RANBP3: variants seen among roughly 807,000 people sequenced by gnomAD.
RANBP3 encodes RAN binding protein 3.
In RANBP3, 14 loss-of-function variants were observed where a neutral mutation model predicts 77.3. The ratio of observed to expected loss-of-function variants is 0.18; its 90% CI spans 0.12 to 0.28. The LOEUF is 0.28. Ranked by LOEUF, RANBP3 falls within the 10% of genes least tolerant of loss-of-function variation. RANBP3 has a pLI of 1.00. For missense variants in RANBP3, 586 were observed against 752.3 expected (o/e 0.78, Z 2.59); for synonymous variants, 315 against 312.4 (o/e 1.01, Z -0.09).
chr19:5,977,497 G>A (rs1231223229), intron 1 of RANBP3, among the ~76,000 whole-genome samples: 1 of 152,246 alleles, frequency 6.6e-6, no homozygotes, highest in Admixed American at 6.5e-5. Context: ...GATCCGGGGG[G>A]AACTGGCGGG....
chr19:5,917,890 T>C lies in RANBP3; in HGVS notation c.1564A>G (p.Lys522Glu). Residue 522 changes from lysine (K) to glutamate (E), a missense_variant, in exon 16 of 17, where the codon AAG becomes GAG. By Grantham distance (56) the Lys-to-Glu change is moderately conservative (BLOSUM62 1). Transcript: ENST00000340578. ...RSRVEQEQEAKMPAPEPGAAP... is the reference protein window; with the variant it reads ...RSRVEQEQEAEMPAPEPGAAP... ...GCCCCAGGCTCAGGCGCGGGCATCT[T>C]GGCCTCCTGCTCCTGCTCCACGCGG... The C allele has an allele frequency of 6.2e-6, 10 of 1,612,952 alleles. 1 individual carries two copies. Among genetic ancestry groups the C allele is most frequent in the Non-Finnish European group, 7.6e-6 (9 of 1,179,938 alleles).
At chr19:5,918,466 G>T in intron 15 of RANBP3, 30 bp downstream of exon 15, 4 of 1,580,820 alleles carry the variant, frequency 2.5e-6, no homozygotes, top group Non-Finnish European at 3.4e-6. Context: ...AGGATGAGGG[G>T]TCCCAGATGC....
At chr19:5,944,832 G>C (rs1241968493) in intron 3 of RANBP3, among the ~76,000 whole-genome samples, 1 of 152,202 alleles carries the variant, frequency 6.6e-6, no homozygotes, top group Non-Finnish European at 1.5e-5. Flanking sequence ...TGTGGCTCTA[G>C]ACTTTTCTCT....
At chr19:5,962,770 AAC>A (rs2058419698) in intron 1 of RANBP3, 1 of 456,082 alleles carries the variant, frequency 2.2e-6, no homozygotes, top group Non-Finnish European at 4.4e-6. Flanking sequence ...AAGGTTGATC[AAC>A]TGCAAATCAG....
At chr19:5,976,064 G>GAAT (rs972311428) in intron 1 of RANBP3, among the ~76,000 whole-genome samples, 7 of 152,052 alleles carry the variant, frequency 4.6e-5, no homozygotes, top group African/African-American at 1.7e-4. Flanking sequence ...CCCCCTTTGG[G>GAAT]AATAATTTTA....
chr19:5,942,539 C>T (rs372170706), intron 3 of RANBP3, among the ~76,000 whole-genome samples: 6 of 152,088 alleles, frequency 3.9e-5, no homozygotes, highest in East Asian at 1.9e-4. Context: ...CCTGTCTCCA[C>T]TAAAAATACA....
Position 5,958,909 on chromosome 19 carries a change from G to A in RANBP3, c.23-936C>T, listed in dbSNP as rs551519695. Among the ~76,000 whole-genome samples, 6 of 152,378 alleles carry A rather than the reference G, an allele frequency of 3.9e-5. No individual in the cohort carries two copies. The highest frequency in any genetic ancestry group is 3.9e-4 in the East Asian group (2 of 5,182). On this transcript the variant is annotated intron_variant, in intron 1 of 16. Coordinates refer to ENST00000340578, the MANE Select transcript of RANBP3 (RefSeq NM_007322.3). This position sits in a 1 kb window ranked among gnomAD's most constrained non-coding sequence, Gnocchi z 4.4. ...ATGCCTGCTGTGGGCTGCGGGCTGC[G>A]CACTGGTGCCTCCGCGTTGAGCAGG...
At chr19:5,923,759 T>C (rs2057860972) in intron 12 of RANBP3, 53 bp downstream of exon 12, 3 of 1,436,056 alleles carry the variant, frequency 2.1e-6, no homozygotes, top group Admixed American at 1.7e-5. Flanking sequence ...GGACCCAGCA[T>C]CCCCCAAGAT....
At chr19:5,941,493 C>G in intron 5 of RANBP3, 128 bp downstream of exon 5, 1 of 820,514 alleles carries the variant, frequency 1.2e-6, no homozygotes, top group Non-Finnish European at 2.0e-6. Flanking sequence ...TGACAGAGCC[C>G]GAGCCTCAGA....
rs1336590164 is a variant in RANBP3 at position 5,923,321 on chromosome 19, A to G, written c.1100-18T>C. 1 of 1,605,544 alleles carries G rather than the reference A, an allele frequency of 6.2e-7. No homozygotes were observed. ...CAGGGACTCTGAAAAGTTATTGGCC[A>G]AAAAGACTGACTGATTATTTGGCGA... On this transcript the variant is annotated intron_variant, in intron 12 of 16. Transcript: ENST00000340578.
chr19:5,964,703 C>T (rs772541859), intron 1 of RANBP3, among the ~76,000 whole-genome samples: 6 of 152,144 alleles, frequency 3.9e-5, no homozygotes, highest in Non-Finnish European at 7.4e-5. Flanking sequence ...GGGAAGCACA[C>T]GGCAGCAGAG....
chr19:5,962,412 G>C (rs2145232749), intron 1 of RANBP3, among the ~76,000 whole-genome samples: 1 of 151,874 alleles, frequency 6.6e-6, no homozygotes, highest in East Asian at 1.9e-4. Flanking sequence ...GTTCTAGAAA[G>C]TGGGGCCTCG....
intron 1 of RANBP3, among the ~76,000 whole-genome samples, chr19:5,971,293 T>A (rs2058527323): frequency 6.6e-6 from 1 of 152,204 alleles, no homozygotes; most frequent in African/African-American, 2.4e-5. Context: ...TTTTGACAAA[T>A]GTCTTTAACG....
At chr19:5,927,919 C>T (rs763051822) in intron 9 of RANBP3, 49 bp downstream of exon 9, 11 of 1,567,762 alleles carry the variant, frequency 7.0e-6, no homozygotes, top group Non-Finnish European at 9.5e-6. Context: ...TGCTGTTGAA[C>T]CTGGGGAAGG....
At chr19:5,960,543 C>T (rs1011891208) in intron 1 of RANBP3, among the ~76,000 whole-genome samples, 1 of 152,142 alleles carries the variant, frequency 6.6e-6, no homozygotes, top group Non-Finnish European at 1.5e-5. Flanking sequence ...TACCCCATGG[C>T]CTGAGAACAG....
chr19:5,959,141 G>C lies in RANBP3; in HGVS notation c.23-1168C>G, dbSNP rs746196845. On this transcript the variant is annotated intron_variant, in intron 1 of 16. Coordinates refer to ENST00000340578, the MANE Select transcript of RANBP3 (RefSeq NM_007322.3). The surrounding 1 kb of genome is among the most constrained non-coding windows in gnomAD (Gnocchi z 5.1). ...AGAGCTGGAAGGGAGAGCAGCAGCA[G>C]CTTGAAGTCACAGCTTGCGGGGTGA... Among the ~76,000 whole-genome samples the C allele has an allele frequency of 9.9e-5, 15 of 152,090 alleles. No individual in the cohort carries two copies. Among genetic ancestry groups the C allele is most frequent in the Non-Finnish European group, 1.9e-4 (13 of 68,016 alleles).
rs1370101317 is a variant in RANBP3 at position 5,921,826 on chromosome 19, G to A, written c.1210-505C>T. ...CGGTAGCCAAGTCTCAAGGAGGAAT[G>A]GAGTGACACACATGGTCCGCCCCTA... On this transcript the variant is annotated intron_variant, in intron 13 of 16. Coordinates refer to ENST00000340578, the MANE Select transcript of RANBP3 (RefSeq NM_007322.3). This position sits in a 1 kb window ranked among gnomAD's most constrained non-coding sequence, Gnocchi z 5.3. Among the ~76,000 whole-genome samples the A allele has an allele frequency of 6.6e-6, 1 of 152,238 alleles. No individual in the cohort carries two copies. The highest frequency in any genetic ancestry group is 1.5e-5 in the Non-Finnish European group (1 of 68,048).
rs76684796 is a variant in RANBP3, at chr19:5,919,568, T to A, written c.1331-930A>T. 8.9e-3 allele frequency among the ~76,000 whole-genome samples: 1,351 copies of A among 152,248 alleles called. 7 individuals carry two copies. The highest frequency in any genetic ancestry group is 0.026 in the South Asian group (127 of 4,828). On this transcript the variant is annotated intron_variant, in intron 14 of 16. Coordinates refer to ENST00000340578, the MANE Select transcript of RANBP3 (RefSeq NM_007322.3). Reference sequence around the variant, plus strand: ...CTATGCCCTCTCTTTCCATGGACATTTGAACATTTCCACGAGACAAAAGGA... The same window carrying A: ...CTATGCCCTCTCTTTCCATGGACATATGAACATTTCCACGAGACAAAAGGA...
chr19:5,943,504 T>C (rs2058165814), intron 3 of RANBP3, among the ~76,000 whole-genome samples: 1 of 152,226 alleles, frequency 6.6e-6, no homozygotes, highest in Non-Finnish European at 1.5e-5. Flanking sequence ...AACATCATCT[T>C]AGCTTACAGG....
Sources: allele counts gnomAD v4.1 joint callset (sites outside exome capture counted in the v4.1 genomes callset), GRCh38; gene constraint gnomAD v4.1.1; non-coding constraint Gnocchi (gnomAD v3.1); transcripts MANE v1.5; gene names NCBI Gene and HGNC (gene_info 2026-07-23, HGNC 2026-07-21).